TMEM232: variants seen among roughly 807,000 people sequenced by gnomAD.
The protein encoded by TMEM232 is transmembrane protein 232.
In TMEM232, 80 loss-of-function variants were observed where a neutral mutation model predicts 78.8. The observed-to-expected ratio is 1.01, with a 90% confidence interval of 0.85 to 1.22. TMEM232 has a LOEUF of 1.22. Among genes scored for constraint, TMEM232 ranks in the 50% most tolerant of loss-of-function variants. The probability of loss-of-function intolerance (pLI) is 0.00; values close to 1 mark genes in which losing one functional copy is unlikely to be tolerated. For missense variants in TMEM232, 881 were observed against 742.2 expected (o/e 1.19, Z -2.17); for synonymous variants, 297 against 254.3 (o/e 1.17, Z -1.60).
intron 2 of TMEM232, among the ~76,000 whole-genome samples, chr5:110,413,278 C>G (rs1486025511): frequency 6.6e-6 from 1 of 152,148 alleles, no homozygotes; most frequent in Non-Finnish European, 1.5e-5. Context: ...ACATTGGACT[C>G]CAAGTTCTTT....
intron 2 of TMEM232, among the ~76,000 whole-genome samples, chr5:110,664,426 T>A (rs2150118130): frequency 6.6e-6 from 1 of 152,290 alleles, no homozygotes; most frequent in South Asian, 2.1e-4. Flanking sequence ...CATATTCACG[T>A]ATATTAAAGT....
At chr5:110,642,845 G>C (rs1406077694) in intron 2 of TMEM232, among the ~76,000 whole-genome samples, 1 of 152,088 alleles carries the variant, frequency 6.6e-6, no homozygotes, top group Non-Finnish European at 1.5e-5. Flanking sequence ...CAAAGAGGTA[G>C]CAAGTAGCCA....
At chr5:110,551,727 G>A (rs1774487772) in intron 11 of TMEM232, among the ~76,000 whole-genome samples, 1 of 151,970 alleles carries the variant, frequency 6.6e-6, no homozygotes, top group South Asian at 2.1e-4. Context: ...TCTAAAAGCC[G>A]AATAGAGAAA....
chr5:110,414,954 C>G (rs928626101), downstream of TMEM232, among the ~76,000 whole-genome samples: 4 of 152,116 alleles, frequency 2.6e-5, no homozygotes, highest in African/African-American at 9.7e-5. Context: ...AGACCTGTCT[C>G]CTATCATTTG....
chr5:110,496,225 C>T (rs1214119691), intron 12 of TMEM232, among the ~76,000 whole-genome samples: 1 of 151,854 alleles, frequency 6.6e-6, no homozygotes, highest in Non-Finnish European at 1.5e-5. Flanking sequence ...ACTGAATTTA[C>T]TTGTACAATA....
At chr5:110,539,936 T>C (rs536692721) in intron 11 of TMEM232, among the ~76,000 whole-genome samples, 1 of 152,132 alleles carries the variant, frequency 6.6e-6, no homozygotes, top group African/African-American at 2.4e-5. Flanking sequence ...GCAACAGCTT[T>C]GTTCTTTTGG....
chr5:110,553,686 C>T (rs1185875738), intron 11 of TMEM232, among the ~76,000 whole-genome samples: 4 of 152,028 alleles, frequency 2.6e-5, no homozygotes, highest in Non-Finnish European at 4.4e-5. Context: ...TTAACTTTTT[C>T]TTTTCCTATT....
intron 8 of TMEM232, among the ~76,000 whole-genome samples, chr5:110,616,705 C>G (rs1284355730): frequency 6.6e-6 from 1 of 152,054 alleles, no homozygotes; most frequent in Non-Finnish European, 1.5e-5. Context: ...TGAAAATGTG[C>G]TCAACATCAC....
intron 11 of TMEM232, among the ~76,000 whole-genome samples, chr5:110,549,022 G>A (rs1438872148): frequency 6.6e-6 from 1 of 151,672 alleles, no homozygotes; most frequent in Non-Finnish European, 1.5e-5. Context: ...AACAATGTAT[G>A]GTTTAAATAG....
intron 10 of TMEM232, among the ~76,000 whole-genome samples, chr5:110,577,183 G>GA (rs561641293): frequency 9.4e-4 from 142 of 151,280 alleles, no homozygotes; most frequent in Admixed American, 2.3e-3. Context: ...AAATTTACAA[G>GA]AAAAAAAATC....
intron 2 of TMEM232, among the ~76,000 whole-genome samples, chr5:110,654,182 A>G (rs921862164): frequency 6.6e-6 from 1 of 152,142 alleles, no homozygotes; most frequent in Non-Finnish European, 1.5e-5. Context: ...ATATGACTTC[A>G]TGCCCCCTGG....
At chr5:110,624,924 C>T (rs1046547865) in intron 7 of TMEM232, among the ~76,000 whole-genome samples, 1 of 151,854 alleles carries the variant, frequency 6.6e-6, no homozygotes, top group East Asian at 1.9e-4. Context: ...TATTTATAAA[C>T]TGTAAAATAA....
At chr5:110,405,869 C>A (rs1755772732) in intron 2 of TMEM232, among the ~76,000 whole-genome samples, 1 of 151,264 alleles carries the variant, frequency 6.6e-6, no homozygotes, top group Non-Finnish European at 1.5e-5. Flanking sequence ...ACATGACAAC[C>A]AAAATTTATA....
chr5:110,727,382 TG>T (rs1210411230), upstream of TMEM232, among the ~76,000 whole-genome samples: 3 of 152,104 alleles, frequency 2.0e-5, no homozygotes, highest in African/African-American at 4.8e-5. Flanking sequence ...GAGGCCAAGG[TG>T]GGCGGATCAC....
intron 1 of TMEM232, among the ~76,000 whole-genome samples, chr5:110,712,595 T>A (rs539684278): frequency 2.0e-5 from 3 of 152,270 alleles, no homozygotes; most frequent in African/African-American, 7.2e-5. Flanking sequence ...AAAAAGTCCC[T>A]GACCACCGAT....
chr5:110,688,967 C>T (rs1793756831), intron 1 of TMEM232, among the ~76,000 whole-genome samples: 1 of 152,150 alleles, frequency 6.6e-6, no homozygotes, highest in African/African-American at 2.4e-5. Flanking sequence ...TCCCCTACCC[C>T]ATTTGTCGGT....
chr5:110,611,099 T>C (rs187355540), intron 8 of TMEM232, among the ~76,000 whole-genome samples: 1 of 152,250 alleles, frequency 6.6e-6, no homozygotes, highest in East Asian at 1.9e-4. Context: ...GATATATAAA[T>C]AATTATTTAA....
intron 12 of TMEM232, among the ~76,000 whole-genome samples, chr5:110,498,727 G>A (rs1224010624): frequency 1.3e-5 from 2 of 152,158 alleles, no homozygotes; most frequent in Non-Finnish European, 2.9e-5. Context: ...TGCTTTAGGT[G>A]TCAGAGAAGT....
At chr5:110,432,477 A>C (rs1757965187) in intron 12 of TMEM232, among the ~76,000 whole-genome samples, 1 of 151,654 alleles carries the variant, frequency 6.6e-6, no homozygotes, top group Non-Finnish European at 1.5e-5. Context: ...AAAAATGCTT[A>C]ATAGAGCTCT....
Sources: allele counts gnomAD v4.1 joint callset (sites outside exome capture counted in the v4.1 genomes callset), GRCh38; gene constraint gnomAD v4.1.1; transcripts MANE v1.5; gene names NCBI Gene and HGNC (gene_info 2026-07-23, HGNC 2026-07-21).